The following CNTNAP2 variants were observed in gnomAD, a reference collection of about 807,000 sequenced individuals.
CNTNAP2 encodes the protein contactin associated protein 2.
Under a neutral mutation model 155.2 loss-of-function variants are expected in CNTNAP2, and 98 were observed. The observed-to-expected ratio is 0.63, with a 90% CI of 0.54 to 0.75. The LOEUF (loss-of-function observed/expected upper bound fraction) is 0.75. Among genes scored for constraint, CNTNAP2 ranks in the 30% least tolerant of loss-of-function variants. CNTNAP2 has a pLI of 0.00. For synonymous variants in CNTNAP2, 651 were observed against 631.2 expected (o/e 1.03, Z -0.47); for missense variants, 1,727 against 1,688.1 (o/e 1.02, Z -0.40).
rs188989754 is a variant in CNTNAP2 at position 146,958,373 on chromosome 7, T to C, written c.403-85534T>C. Among the ~76,000 whole-genome samples, 35 of 151,300 alleles carry C rather than the reference T, an allele frequency of 2.3e-4. 1 individual carries two copies. In the East Asian group the frequency reaches 6.4e-3, roughly 28 times the overall value. On this transcript the variant is annotated intron_variant, in intron 3 of 23. Transcript: ENST00000361727. ...TCTAAAATTTTTTTTAAAACTACGCTGATGCTTTTTTTTCTTCACAACACA... is the reference window on the plus strand; with the variant it reads ...TCTAAAATTTTTTTTAAAACTACGCCGATGCTTTTTTTTCTTCACAACACA...
At chr7:147,732,473 T>C (rs1796760063) in intron 13 of CNTNAP2, among the ~76,000 whole-genome samples, 2 of 152,118 alleles carry the variant, frequency 1.3e-5, no homozygotes, top group South Asian at 4.1e-4. Flanking sequence ...TCTTTGCTAT[T>C]GTGAATAGTG....
intron 1 of CNTNAP2, among the ~76,000 whole-genome samples, chr7:146,401,721 G>T (rs1394781211): frequency 6.6e-6 from 1 of 152,124 alleles, no homozygotes; most frequent in African/African-American, 2.4e-5. Context: ...TTCATTCCAT[G>T]AAATTTTGCA....
chr7:146,293,511 A>G (rs977305874), intron 1 of CNTNAP2, among the ~76,000 whole-genome samples: 1 of 152,328 alleles, frequency 6.6e-6, no homozygotes, highest in African/African-American at 2.4e-5. Flanking sequence ...TTCTGAAACA[A>G]TATACACTAT....
chr7:146,254,717 A>G (rs757316396), intron 1 of CNTNAP2, among the ~76,000 whole-genome samples: 5 of 152,200 alleles, frequency 3.3e-5, no homozygotes, highest in Admixed American at 1.3e-4. Context: ...AAAATAGGGT[A>G]CATATTAGGT....
intron 15 of CNTNAP2, among the ~76,000 whole-genome samples, chr7:148,035,326 C>T (rs1802553675): frequency 6.6e-6 from 1 of 152,068 alleles, no homozygotes; most frequent in African/African-American, 2.4e-5. Context: ...TGAGGCTCTC[C>T]CTCCATCACA....
intron 3 of CNTNAP2, among the ~76,000 whole-genome samples, chr7:146,874,169 A>T (rs1795372588): frequency 1.3e-5 from 2 of 152,042 alleles, no homozygotes; most frequent in South Asian, 4.1e-4. Context: ...AGGAAATAGG[A>T]ACTTGTATAT....
chr7:147,165,159 T>C (rs1191936456), intron 8 of CNTNAP2, among the ~76,000 whole-genome samples: 1 of 129,066 alleles, frequency 7.7e-6, no homozygotes, highest in Non-Finnish European at 1.7e-5. Context: ...AAATCCAAAG[T>C]ATTTTTTGAT....
At chr7:147,430,516 T>A (rs1797447605) in intron 10 of CNTNAP2, among the ~76,000 whole-genome samples, 1 of 152,202 alleles carries the variant, frequency 6.6e-6, no homozygotes, top group African/African-American at 2.4e-5. Flanking sequence ...AATGGGAAGA[T>A]GTTTACCTGA....
At chr7:147,298,634 G>C (rs1451124277) in intron 8 of CNTNAP2, among the ~76,000 whole-genome samples, 1 of 152,160 alleles carries the variant, frequency 6.6e-6, no homozygotes, top group East Asian at 1.9e-4. Context: ...AGTAATGTAT[G>C]ATTTTCCTAT....
chr7:146,179,902 G>T (rs773836307), intron 1 of CNTNAP2, among the ~76,000 whole-genome samples: 1 of 152,186 alleles, frequency 6.6e-6, no homozygotes, highest in Non-Finnish European at 1.5e-5. Flanking sequence ...TGGATACGTT[G>T]CCGAATTTTC....
At chr7:146,686,279 A>C (rs1430292551) in intron 1 of CNTNAP2, among the ~76,000 whole-genome samples, 1 of 151,802 alleles carries the variant, frequency 6.6e-6, no homozygotes, top group Non-Finnish European at 1.5e-5. Flanking sequence ...TGAGTGACAG[A>C]GTGAGACCCT....
intron 14 of CNTNAP2, among the ~76,000 whole-genome samples, chr7:147,972,331 G>A (rs80348291): frequency 0.034 from 5,205 of 152,242 alleles, 154 homozygotes; most frequent in South Asian, 0.13. Context: ...TAGAATTACT[G>A]TATAGGAAAA....
Position 146,220,024 on chromosome 7 carries a change from C to G in CNTNAP2, c.97+103051C>G, listed in dbSNP as rs116855239. Among the ~76,000 whole-genome samples, 1,362 of 152,194 alleles carry G rather than the reference C, an allele frequency of 8.9e-3. 18 individuals carry two copies. The highest frequency in any genetic ancestry group is 0.027 in the Middle Eastern group (8 of 294). On this transcript the variant is annotated intron_variant, in intron 1 of 23. Coordinates refer to ENST00000361727, the MANE Select transcript of CNTNAP2 (RefSeq NM_014141.6). ...CAGGTGATGACACCTAATTACTGAT[C>G]GAGCTGACACTAAATCCAGTTCTCC...
At chr7:146,472,510 T>C (rs1341428088) in intron 1 of CNTNAP2, among the ~76,000 whole-genome samples, 2 of 152,182 alleles carry the variant, frequency 1.3e-5, no homozygotes, top group Non-Finnish European at 2.9e-5. Context: ...TTTTGTTTCA[T>C]ATGATTTGTT....
intron 5 of CNTNAP2, among the ~76,000 whole-genome samples, chr7:147,118,893 T>C (rs73154360): frequency 0.015 from 2,215 of 152,292 alleles, 25 homozygotes; most frequent in South Asian, 0.04. Flanking sequence ...AAATTATTTT[T>C]AGAGGTGGAA....
In CNTNAP2 at chr7:147,717,984, T is replaced by C. The variant is rs141025115; in HGVS notation, c.2098+78678T>C. 2.8e-3 allele frequency among the ~76,000 whole-genome samples: 426 copies of C among 152,178 alleles called. 1 individual carries two copies. Among genetic ancestry groups the C allele is most frequent in the African/African-American group, 9.6e-3 (398 of 41,546 alleles). ...TATTACTATAATAGTACCAATTATATACTTTATTATATCTAATTGTACTCA... is the reference window on the plus strand; with the variant it reads ...TATTACTATAATAGTACCAATTATACACTTTATTATATCTAATTGTACTCA... On this transcript the variant is annotated intron_variant, in intron 13 of 23. Transcript: ENST00000361727.
At chr7:148,117,209 C>A (rs187619917) in intron 15 of CNTNAP2, among the ~76,000 whole-genome samples, 264 of 152,338 alleles carry the variant, frequency 1.7e-3, no homozygotes, top group African/African-American at 6.1e-3. Context: ...GGTACAATCA[C>A]ATCTTCTCCA....
intron 13 of CNTNAP2, among the ~76,000 whole-genome samples, chr7:147,884,847 G>A (rs1389278631): frequency 6.6e-6 from 1 of 152,122 alleles, no homozygotes; most frequent in Non-Finnish European, 1.5e-5. Flanking sequence ...TTAGTTTCCT[G>A]GGAGGAAGAC....
intron 8 of CNTNAP2, among the ~76,000 whole-genome samples, chr7:147,163,366 T>G (rs983229881): frequency 1.3e-5 from 2 of 152,226 alleles, no homozygotes; most frequent in Non-Finnish European, 2.9e-5. Flanking sequence ...TACTAGTAAC[T>G]TAAAAGATGT....
Sources: gnomAD v4.1 joint callset for allele counts (sites outside exome capture counted in the v4.1 genomes callset) on GRCh38, gnomAD v4.1.1 for gene constraint, MANE v1.5 for transcripts, NCBI Gene and HGNC (gene_info 2026-07-23, HGNC 2026-07-21) for gene names.